Variants in IL16 observed in about 807,000 individuals in gnomAD.
IL16 encodes the protein interleukin 16, also known as pro-interleukin-16.
A neutral mutation model predicts 110.1 loss-of-function variants in IL16; 67 were observed. That is an observed-to-expected ratio of 0.61 (90% confidence interval 0.50 to 0.75). The LOEUF is 0.75. Among genes scored for constraint, IL16 ranks in the 30% least tolerant of loss-of-function variants. The pLI, the probability that IL16 is intolerant of heterozygous loss-of-function variation, is 0.00. For synonymous variants in IL16, 689 were observed against 662.9 expected, an observed-to-expected ratio of 1.04 and a Z score of -0.61; for missense variants, 1,545 against 1,655.0, an observed-to-expected ratio of 0.93 and a Z score of 1.15.
intron 9 of IL16, among the ~76,000 whole-genome samples, chr15:81,283,580 A>T (rs1043076223): frequency 3.3e-5 from 5 of 152,264 alleles, no homozygotes; most frequent in African/African-American, 1.2e-4. Flanking sequence ...GCATCGTCTC[A>T]GAGAATGCCA....
intron 1 of IL16, among the ~76,000 whole-genome samples, chr15:81,223,610 T>C (rs1896691078): frequency 6.6e-6 from 1 of 152,194 alleles, no homozygotes; most frequent in Admixed American, 6.5e-5. Context: ...AATGAGGATA[T>C]TGATGGAGGC....
intron 2 of IL16, among the ~76,000 whole-genome samples, chr15:81,244,787 C>T (rs936306825): frequency 6.6e-6 from 1 of 152,068 alleles, no homozygotes; most frequent in Non-Finnish European, 1.5e-5. Flanking sequence ...TCTCTCCTTC[C>T]ACAACCCTAT....
At chr15:81,251,024 G>A (rs1165086122) in intron 2 of IL16, among the ~76,000 whole-genome samples, 1 of 152,144 alleles carries the variant, frequency 6.6e-6, no homozygotes, top group Non-Finnish European at 1.5e-5. Context: ...AATTATCTCA[G>A]AGCAACCTCC....
chr15:81,263,925 A>C (rs1204889523), intron 3 of IL16, among the ~76,000 whole-genome samples: 2 of 152,136 alleles, frequency 1.3e-5, no homozygotes, highest in Non-Finnish European at 2.9e-5. Context: ...TCACTGATAG[A>C]GGAAGGAGTA....
intron 2 of IL16, among the ~76,000 whole-genome samples, chr15:81,226,141 T>G (rs903845045): frequency 2.6e-5 from 4 of 151,984 alleles, no homozygotes; most frequent in Non-Finnish European, 4.4e-5. Context: ...AGGTAAGGGG[T>G]GCCGGATGAG....
At position 81,312,318 on chromosome 15, in the gene IL16, G is replaced by C. The variant is rs906713799; in HGVS notation, c.*3520G>C. 4.6e-5 allele frequency: 7 copies of C among 152,306 alleles called. No individual in the cohort carries two copies. Among genetic ancestry groups the C allele is most frequent in the African/African-American group, 1.4e-4 (6 of 41,474 alleles). 9.4% of individuals were successfully genotyped at this position (152,306 alleles called of 1,614,324 possible). On this transcript the variant is annotated 3_prime_UTR_variant, in exon 19 of 19. Coordinates refer to ENST00000683961, the MANE Select transcript of IL16 (RefSeq NM_172217.5). ...GTCTTGCAGCAGGATCTAGAGGGGG[G>C]ATTTCCAGCCAGGGCTGCTAGACGG...
At chr15:81,201,853 G>T (rs1356131681) in intron 1 of IL16, among the ~76,000 whole-genome samples, 1 of 152,126 alleles carries the variant, frequency 6.6e-6, no homozygotes, top group Non-Finnish European at 1.5e-5. Flanking sequence ...AGCATGTTTT[G>T]TTTTCCAATT....
intron 1 of IL16, among the ~76,000 whole-genome samples, chr15:81,205,032 C>T (rs183536624): frequency 1.6e-4 from 25 of 152,156 alleles, no homozygotes; most frequent in Admixed American, 9.2e-4. Context: ...TTAGACCGGG[C>T]GCAGTGGCTC....
intron 1 of IL16, among the ~76,000 whole-genome samples, chr15:81,207,109 G>A (rs142093946): frequency 4.6e-5 from 7 of 151,954 alleles, no homozygotes; most frequent in Admixed American, 1.3e-4. Context: ...GGTGGTGGGC[G>A]CCTGTGGTCC....
chr15:81,211,051 T>TTTTGTTTG (rs570068987), intron 1 of IL16, among the ~76,000 whole-genome samples: 1 of 151,884 alleles, frequency 6.6e-6, no homozygotes, highest in African/African-American at 2.4e-5. Flanking sequence ...TTTTTGGGTT[T>TTTTGTTTG]TTTGTTTGTT....
chr15:81,288,941 C>T (rs920993552), intron 10 of IL16, among the ~76,000 whole-genome samples: 2 of 151,882 alleles, frequency 1.3e-5, no homozygotes, highest in Non-Finnish European at 1.5e-5. Context: ...CTACAATGAA[C>T]GTGGAGTACA....
chr15:81,281,422 C>G (rs1899172948), intron 8 of IL16, among the ~76,000 whole-genome samples: 1 of 152,216 alleles, frequency 6.6e-6, no homozygotes, highest in East Asian at 1.9e-4. Context: ...TCCCATCCAG[C>G]CCCACGGCCC....
At chr15:81,283,801 T>A (rs372633677) in intron 9 of IL16, among the ~76,000 whole-genome samples, 6 of 150,446 alleles carry the variant, frequency 4.0e-5, no homozygotes, top group African/African-American at 1.5e-4. Flanking sequence ...AGCTCAGGAG[T>A]TCAAGACCAG....
chr15:81,246,120 C>G (rs1230785969), intron 2 of IL16, among the ~76,000 whole-genome samples: 1 of 152,108 alleles, frequency 6.6e-6, no homozygotes, highest in Non-Finnish European at 1.5e-5. Flanking sequence ...CTTCAAACCA[C>G]CTTTCTTTTA....
intron 1 of IL16, among the ~76,000 whole-genome samples, chr15:81,223,758 C>G (rs760103057): frequency 1.3e-4 from 20 of 152,240 alleles, no homozygotes; most frequent in Non-Finnish European, 2.2e-4. Context: ...TTGGCCAGAG[C>G]TGGAGGCCCA....
At position 81,285,704 on chromosome 15, in the gene IL16, G is replaced by A. The variant is rs1899414803; in HGVS notation, c.1206G>A (p.Gly402=). The A allele has an allele frequency of 6.2e-7, 1 of 1,613,954 alleles. No individual in the cohort carries two copies. The highest frequency in any genetic ancestry group is 8.5e-7 in the Non-Finnish European group (1 of 1,179,986). ...CTTATTGATGCTTGCACAGGTGTGG[G>A]GACGAGATTGTGGAAATCAGTGATT... ...VAHLDGRLRC[G]DEIVEISDSP... Residue 402 remains glycine (G), a synonymous_variant, in exon 10 of 19, where the codon GGG becomes GGA. Coordinates refer to ENST00000683961, the MANE Select transcript of IL16 (RefSeq NM_172217.5).
chr15:81,220,504 A>G (rs1385265348), intron 1 of IL16, among the ~76,000 whole-genome samples: 1 of 152,182 alleles, frequency 6.6e-6, no homozygotes, highest in Non-Finnish European at 1.5e-5. Flanking sequence ...TTCATTTCTT[A>G]TCATTGAGTT....
chr15:81,297,156 G>T, intron 13 of IL16, 78 bp downstream of exon 13: 2 of 1,433,422 alleles, frequency 1.4e-6, no homozygotes, highest in Non-Finnish European at 1.9e-6. Context: ...GCACAAATTG[G>T]CCTGAGGATC....
At position 81,243,440 on chromosome 15, in the gene IL16, C is replaced by G. The variant is rs112955383; in HGVS notation, c.313-16332C>G. 8.4e-3 allele frequency among the ~76,000 whole-genome samples: 1,276 copies of G among 151,828 alleles called. 12 individuals are homozygous for G. The highest frequency in any genetic ancestry group is 0.019 in the African/African-American group (805 of 41,434). ...GCTCAAGCAATCCACCTGCCTCAGT[C>G]TCCCAAAGTGCTGTTGTTATAGGCA... On this transcript the variant is annotated intron_variant, in intron 2 of 18. Coordinates refer to ENST00000683961, the MANE Select transcript of IL16 (RefSeq NM_172217.5).
Sources: allele counts gnomAD v4.1 joint callset (sites outside exome capture counted in the v4.1 genomes callset), GRCh38; gene constraint gnomAD v4.1.1; transcripts MANE v1.5; gene names NCBI Gene and HGNC (gene_info 2026-07-23, HGNC 2026-07-21).